COL21A1: variants seen among roughly 807,000 people sequenced by gnomAD.
COL21A1 encodes the protein collagen alpha-1(XXI) chain.
Under a neutral mutation model 137.9 loss-of-function variants are expected in COL21A1, and 149 were observed. The ratio of observed to expected loss-of-function variants is 1.08; its 90% CI spans 0.95 to 1.24. COL21A1 has a LOEUF of 1.24. COL21A1 is among the 50% of genes most tolerant of loss of function. The pLI, the probability that COL21A1 is intolerant of heterozygous loss-of-function variation, is 0.00. For synonymous variants in COL21A1, 456 were observed against 391.5 expected (o/e 1.16, Z -1.95); for missense variants, 1,167 against 1,158.4 (o/e 1.01, Z -0.11).
chr6:56,143,806 T>C (rs923349418), intron 10 of COL21A1, among the ~76,000 whole-genome samples: 2 of 152,190 alleles, frequency 1.3e-5, no homozygotes, highest in African/African-American at 4.8e-5. Context: ...TTCATTTCTG[T>C]ATTTTTGGCA....
chr6:56,340,854 T>C (rs971922084), intron 1 of COL21A1, among the ~76,000 whole-genome samples: 1 of 152,200 alleles, frequency 6.6e-6, no homozygotes, highest in African/African-American at 2.4e-5. Context: ...TGTTAGCTCA[T>C]GGAGCAAGTA....
At chr6:56,393,375 A>G (rs1257907588) in intron 1 of COL21A1, among the ~76,000 whole-genome samples, 1 of 152,236 alleles carries the variant, frequency 6.6e-6, no homozygotes, top group African/African-American at 2.4e-5. Context: ...TAAATCTAAG[A>G]CCTTGAACTA....
At chr6:56,377,921 C>T (rs1194963227) in intron 1 of COL21A1, among the ~76,000 whole-genome samples, 1 of 152,130 alleles carries the variant, frequency 6.6e-6, no homozygotes, top group South Asian at 2.1e-4. Context: ...TCATGAGGTC[C>T]CGTTCCAGGC....
intron 10 of COL21A1, among the ~76,000 whole-genome samples, chr6:56,144,142 A>G (rs189923816): frequency 6.6e-4 from 101 of 152,290 alleles, no homozygotes; most frequent in Admixed American, 1.0e-3. Context: ...ACTGCTAGCA[A>G]TGTACAAATA....
chr6:56,312,255 G>T (rs1764630547), intron 1 of COL21A1, among the ~76,000 whole-genome samples: 5 of 152,190 alleles, frequency 3.3e-5, no homozygotes, highest in Admixed American at 3.3e-4. Context: ...TGTTGACTTA[G>T]AAGGTTAATG....
intron 7 of COL21A1, chr6:56,166,679 C>T (rs2152269406): frequency 1.6e-6 from 1 of 614,142 alleles, no homozygotes; most frequent in Non-Finnish European, 2.9e-6. Context: ...AACAAGAAAA[C>T]ATTCCCTTGT....
chr6:56,224,826 C>T lies in COL21A1; in HGVS notation c.-39+22561G>A, dbSNP rs372985259. Among the ~76,000 whole-genome samples, 14 of 152,100 alleles carry T rather than the reference C, an allele frequency of 9.2e-5. 1 individual carries two copies. The South Asian group carries it at 2.7e-3, about 29-fold the overall frequency. ...GCTGAAATATTATAGTTAAATTAAA[C>T]TCCATTATTTAACAAAAAGTACTAC... On this transcript the variant is annotated intron_variant, in intron 1 of 29. Coordinates refer to ENST00000244728, the MANE Select transcript of COL21A1 (RefSeq NM_030820.4).
At chr6:56,081,529 C>T (rs1316504080) in intron 17 of COL21A1, among the ~76,000 whole-genome samples, 1 of 150,320 alleles carries the variant, frequency 6.7e-6, no homozygotes, top group African/African-American at 2.4e-5. Flanking sequence ...GTAGTTGAAC[C>T]CTGCAATGTT....
intron 1 of COL21A1, among the ~76,000 whole-genome samples, chr6:56,246,603 A>G (rs1782659035): frequency 6.6e-6 from 1 of 152,148 alleles, no homozygotes; most frequent in African/African-American, 2.4e-5. Context: ...GTCCAACCCA[A>G]CAGTTTTCAA....
In COL21A1 at chr6:56,057,789, G is replaced by A; in HGVS notation, c.2742C>T (p.Leu914=). The A allele has an allele frequency of 6.2e-7, 1 of 1,604,404 alleles. No homozygotes were observed. Among genetic ancestry groups the A allele is most frequent in the Non-Finnish European group, 8.5e-7 (1 of 1,175,670 alleles). ...SKEGPPGDPG[L]PGKDGDHGKP... ...TTCCATGGTCTCCATCTTTGCCAGGGAGACCTGGGTCTCCTGGAGGACCTT... is the reference window on the plus strand; with the variant it reads ...TTCCATGGTCTCCATCTTTGCCAGGAAGACCTGGGTCTCCTGGAGGACCTT... Residue 914 remains leucine, a synonymous_variant, in exon 30 of 30, where the codon CTC becomes CTT. Transcript: ENST00000244728.
At chr6:56,118,332 A>C (rs112664398) in intron 16 of COL21A1, among the ~76,000 whole-genome samples, 3 of 152,060 alleles carry the variant, frequency 2.0e-5, no homozygotes, top group African/African-American at 7.2e-5. Flanking sequence ...GAAAATATAC[A>C]TGAAATGGAC....
At chr6:56,340,714 G>A (rs545788144) in intron 1 of COL21A1, among the ~76,000 whole-genome samples, 3 of 152,146 alleles carry the variant, frequency 2.0e-5, no homozygotes, top group Admixed American at 6.5e-5. Context: ...AACAATGAAC[G>A]ACGTTTTCCA....
At chr6:56,284,893 T>C (rs1763868749) in intron 1 of COL21A1, among the ~76,000 whole-genome samples, 1 of 152,218 alleles carries the variant, frequency 6.6e-6, no homozygotes, top group Non-Finnish European at 1.5e-5. Context: ...CTCTCCTCTG[T>C]TTTCTTTGCC....
Position 56,215,842 on chromosome 6 carries a change from A to G in COL21A1, c.-39+31545T>C, listed in dbSNP as rs114879973. 2.7e-3 allele frequency among the ~76,000 whole-genome samples: 409 copies of G among 152,192 alleles called. 5 individuals carry two copies. The highest frequency in any genetic ancestry group is 0.024 in the Middle Eastern group (7 of 294). Reference sequence around the variant, plus strand: ...GGTTGAAAGGAATCTCCTTTTCCTGAATACTTATAATGCATTATCTGCTAA... The same window carrying G: ...GGTTGAAAGGAATCTCCTTTTCCTGGATACTTATAATGCATTATCTGCTAA... On this transcript the variant is annotated intron_variant, in intron 1 of 29. Coordinates refer to ENST00000244728, the MANE Select transcript of COL21A1 (RefSeq NM_030820.4).
chr6:56,233,066 G>T (rs1351695099), intron 1 of COL21A1, among the ~76,000 whole-genome samples: 1 of 151,770 alleles, frequency 6.6e-6, no homozygotes, highest in Non-Finnish European at 1.5e-5. Flanking sequence ...GTGGCCTCTT[G>T]AACACTGTGC....
intron 10 of COL21A1, among the ~76,000 whole-genome samples, chr6:56,147,569 AACTT>A (rs1455870530): frequency 1.3e-5 from 2 of 152,020 alleles, no homozygotes; most frequent in African/African-American, 4.8e-5. Context: ...CACATGCACA[AACTT>A]ATCTTTAAAA....
At chr6:56,328,075 GTT>G (rs1398751604) in intron 1 of COL21A1, among the ~76,000 whole-genome samples, 2 of 151,986 alleles carry the variant, frequency 1.3e-5, no homozygotes, top group Non-Finnish European at 2.9e-5. Flanking sequence ...TTAAATGTTT[GTT>G]TTAAGGGGCT....
At chr6:56,147,004 G>A (rs907554430) in intron 10 of COL21A1, among the ~76,000 whole-genome samples, 2 of 152,120 alleles carry the variant, frequency 1.3e-5, no homozygotes, top group South Asian at 2.1e-4. Flanking sequence ...AATCTCTGCA[G>A]ATAGAACTAG....
chr6:56,160,510 T>C (rs1205556617), intron 9 of COL21A1, among the ~76,000 whole-genome samples: 2 of 152,056 alleles, frequency 1.3e-5, no homozygotes, highest in Non-Finnish European at 2.9e-5. Context: ...GAAAATTTAA[T>C]ATGGAAAAAA....
Sources: allele counts gnomAD v4.1 joint callset (sites outside exome capture counted in the v4.1 genomes callset), GRCh38; gene constraint gnomAD v4.1.1; transcripts MANE v1.5; gene names NCBI Gene and HGNC (gene_info 2026-07-23, HGNC 2026-07-21).